The following DHX35 variants were observed in gnomAD, a reference collection of about 807,000 sequenced individuals.
DHX35 encodes the protein probable ATP-dependent RNA helicase DHX35.
In DHX35, 84 loss-of-function variants were observed where a neutral mutation model predicts 99.6. The ratio of observed to expected loss-of-function variants is 0.84; its 90% confidence interval spans 0.71 to 1.01. DHX35 has a LOEUF of 1.01. DHX35 is among the 50% of genes least tolerant of loss of function. DHX35 has a pLI of 0.00. For missense variants in DHX35, 852 were observed against 888.5 expected, an observed-to-expected ratio of 0.96 and a Z score of 0.52; for synonymous variants, 331 against 316.2, an observed-to-expected ratio of 1.05 and a Z score of -0.50.
intron 1 of DHX35, among the ~76,000 whole-genome samples, chr20:38,964,218 G>A (rs928155469): frequency 2.0e-5 from 3 of 152,170 alleles, no homozygotes; most frequent in Non-Finnish European, 2.9e-5. Context: ...AATGGAACTC[G>A]AAGCAAAGGG....
chr20:39,012,682 A>AC (rs1477434874), intron 13 of DHX35, among the ~76,000 whole-genome samples: 1 of 152,152 alleles, frequency 6.6e-6, no homozygotes, highest in African/African-American at 2.4e-5. Context: ...GGAAAGAGCC[A>AC]CCATGCTCGG....
rs1384542932 is a variant in DHX35 at position 39,039,151 on chromosome 20, T to C, written c.*608T>C. On this transcript the variant is annotated 3_prime_UTR_variant, in exon 22 of 22. Transcript: ENST00000252011. Reference sequence around the variant, plus strand: ...CTGCAGCCAGGAGACTTGCAAGGGATTGGTGATTGACAGAGAGGACTCGTG... The same window carrying C: ...CTGCAGCCAGGAGACTTGCAAGGGACTGGTGATTGACAGAGAGGACTCGTG... 1.3e-5 allele frequency: 2 copies of C among 153,320 alleles called. No individual in the cohort carries two copies. The highest frequency in any genetic ancestry group is 4.8e-5 in the African/African-American group (2 of 41,430). The allele number at this position is 153,320 out of a possible 1,614,324, so 9.5% of individuals were successfully genotyped here.
At position 38,977,852 on chromosome 20, in the gene DHX35, T is replaced by A. The variant is rs1240839654; in HGVS notation, c.267+5201T>A. On this transcript the variant is annotated intron_variant, in intron 3 of 21. Coordinates refer to ENST00000252011, the MANE Select transcript of DHX35 (RefSeq NM_021931.4). ...CTTTTCCATTCTGATTTGACTTTTG[T>A]GCATTTTTTGGCTGGAGTATCTTGT... 4 of 563,804 alleles carry A rather than the reference T, an allele frequency of 7.1e-6. No individual in the cohort carries two copies. In the East Asian group the frequency reaches 1.6e-4, roughly 22 times the overall value. The allele number at this position is 563,804 out of a possible 1,614,324, so 34.9% of individuals were successfully genotyped here. A position where few individuals can be genotyped will look rare whatever the true frequency, so the allele number is the denominator to read the frequency against.
Position 39,021,889 on chromosome 20 carries a change from A to C in DHX35, c.1547A>C (p.Gln516Pro). 6.2e-7 allele frequency: 1 copy of C among 1,614,188 alleles called. No individual in the cohort carries two copies. Among genetic ancestry groups the C allele is most frequent in the Non-Finnish European group, 8.5e-7 (1 of 1,180,010 alleles). ...ATTCTAAGCATCGCTGCCATGATGCAGATCCAGAATATCTTTGTGGTCCCC... is the reference window on the plus strand; with the variant it reads ...ATTCTAAGCATCGCTGCCATGATGCCGATCCAGAATATCTTTGTGGTCCCC... The part of the protein sequence containing the change: ...QEILSIAAMM[Q>P]IQNIFVVPPN... Residue 516 changes from glutamine (Q) to proline (P), a missense_variant, in exon 16 of 22, where the codon CAG (glutamine) becomes CCG (proline). Transcript: ENST00000252011.
At chr20:38,975,286 C>A (rs1228578471) in intron 3 of DHX35, among the ~76,000 whole-genome samples, 1 of 152,056 alleles carries the variant, frequency 6.6e-6, no homozygotes, top group African/African-American at 2.4e-5. Context: ...AAAAAGATAA[C>A]CGTATATGCA....
chr20:39,028,590 CATA>C, intron 19 of DHX35, 91 bp downstream of exon 19: 2 of 1,371,748 alleles, frequency 1.5e-6, no homozygotes, highest in Middle Eastern at 1.8e-4. Flanking sequence ...ATAGTAATTG[CATA>C]ATTATTTGTA....
At chr20:39,010,149 TATC>T in intron 12 of DHX35, 128 bp from the exon 13 acceptor site, 1 of 1,154,176 alleles carries the variant, frequency 8.7e-7, no homozygotes, top group Non-Finnish European at 1.3e-6. Flanking sequence ...TATATCATGG[TATC>T]ATGTGCATCT....
intron 2 of DHX35, 79 bp downstream of exon 2, chr20:38,969,293 T>G: frequency 6.8e-7 from 1 of 1,461,378 alleles, no homozygotes; most frequent in Non-Finnish European, 9.2e-7. Flanking sequence ...CTGAAGGGAA[T>G]GATGGCCTCT....
At chr20:38,986,331 T>A (rs1303820502) in intron 4 of DHX35, among the ~76,000 whole-genome samples, 7 of 152,066 alleles carry the variant, frequency 4.6e-5, no homozygotes, top group African/African-American at 1.7e-4. Flanking sequence ...CAAGAGAATA[T>A]AACCTTGTGT....
chr20:39,028,651 G>A, intron 19 of DHX35, 152 bp downstream of exon 19: 2 of 753,224 alleles, frequency 2.7e-6, no homozygotes, highest in Non-Finnish European at 4.3e-6. Flanking sequence ...TAGCGACATA[G>A]CTTTAAGCAA....
intron 8 of DHX35, among the ~76,000 whole-genome samples, chr20:38,997,046 T>TTATATTTA (rs1555822478): frequency 1.9e-4 from 29 of 148,910 alleles, no homozygotes; most frequent in African/African-American, 7.2e-4. Flanking sequence ...CTTAGATTCA[T>TTATATTTA]TTTATTTATT....
intron 13 of DHX35, among the ~76,000 whole-genome samples, chr20:39,010,967 G>A (rs1266410387): frequency 6.6e-6 from 1 of 152,180 alleles, no homozygotes; most frequent in African/African-American, 2.4e-5. Flanking sequence ...CTCTAGCAGT[G>A]CCTGAATGCC....
chr20:38,988,977 T>C, intron 5 of DHX35, 60 bp downstream of exon 5: 1 of 1,588,364 alleles, frequency 6.3e-7, no homozygotes, highest in Middle Eastern at 1.7e-4. Flanking sequence ...TTTGGGAGAA[T>C]TAAAAACATG....
intron 13 of DHX35, among the ~76,000 whole-genome samples, chr20:39,011,206 C>T: frequency 6.6e-6 from 1 of 150,712 alleles, no homozygotes; most frequent in Non-Finnish European, 1.5e-5. Context: ...ATATTAAAGA[C>T]ATTAATTTTT....
chr20:39,037,553 G>T (rs147262764), intron 21 of DHX35, among the ~76,000 whole-genome samples: 1 of 152,162 alleles, frequency 6.6e-6, no homozygotes, highest in Non-Finnish European at 1.5e-5. Flanking sequence ...CTCTGGGGGC[G>T]ATGCGGCTTG....
At chr20:38,994,543 T>G (rs2086394297) in intron 7 of DHX35, among the ~76,000 whole-genome samples, 1 of 152,076 alleles carries the variant, frequency 6.6e-6, no homozygotes, top group Non-Finnish European at 1.5e-5. Flanking sequence ...AATTTGGGTC[T>G]TAAAGCTTCT....
At chr20:38,997,263 G>T (rs1277500802) in intron 8 of DHX35, among the ~76,000 whole-genome samples, 3 of 152,018 alleles carry the variant, frequency 2.0e-5, no homozygotes, top group South Asian at 4.2e-4. Flanking sequence ...TAGAGATGGG[G>T]TCTCATCATG....
chr20:39,018,136 C>T (rs1195769348), intron 14 of DHX35, among the ~76,000 whole-genome samples: 1 of 152,126 alleles, frequency 6.6e-6, no homozygotes, highest in African/African-American at 2.4e-5. Context: ...TCGGCCCCGC[C>T]CTTGACATGT....
intron 3 of DHX35, among the ~76,000 whole-genome samples, chr20:38,976,375 A>G (rs1422421217): frequency 1.4e-5 from 2 of 146,238 alleles, no homozygotes; most frequent in East Asian, 4.0e-4. Flanking sequence ...TATATGCCCT[A>G]TTTTAAACAT....
Sources: gnomAD v4.1 joint callset for allele counts (sites outside exome capture counted in the v4.1 genomes callset) on GRCh38, gnomAD v4.1.1 for gene constraint, MANE v1.5 for transcripts, NCBI Gene and HGNC (gene_info 2026-07-23, HGNC 2026-07-21) for gene names.